Variants in PCGF5 observed in about 807,000 individuals in gnomAD.
PCGF5 encodes polycomb group RING finger protein 5.
Under a neutral mutation model 44.3 loss-of-function variants are expected in PCGF5, and 9 were observed. That is an observed-to-expected ratio of 0.20 (90% CI 0.12 to 0.35). The LOEUF (loss-of-function observed/expected upper bound fraction) is 0.35. Ranked by LOEUF, PCGF5 falls within the 10% of genes least tolerant of loss-of-function variation. The pLI, the probability that PCGF5 is intolerant of heterozygous loss-of-function variation, is 1.00. For missense variants in PCGF5, 146 were observed against 305.3 expected, an observed-to-expected ratio of 0.48 and a Z score of 3.89; for synonymous variants, 95 against 102.5, an observed-to-expected ratio of 0.93 and a Z score of 0.44.
intron 2 of PCGF5, among the ~76,000 whole-genome samples, chr10:91,238,342 C>G (rs537945567): frequency 6.6e-6 from 1 of 152,150 alleles, no homozygotes; most frequent in Non-Finnish European, 1.5e-5. Context: ...GATGCTTGAG[C>G]CCTACAACTC....
chr10:91,164,702 C>A (rs902658260), intron 1 of PCGF5, among the ~76,000 whole-genome samples: 4 of 152,226 alleles, frequency 2.6e-5, no homozygotes, highest in African/African-American at 4.8e-5. Context: ...TCATTCCCAC[C>A]TCACATTAGT....
At chr10:91,194,793 ATTGTCC>A (rs1844097857) in intron 1 of PCGF5, among the ~76,000 whole-genome samples, 2 of 152,168 alleles carry the variant, frequency 1.3e-5, no homozygotes, top group Admixed American at 1.3e-4. Flanking sequence ...GAGAACTTGT[ATTGTCC>A]TCATTTTTAA....
chr10:91,160,946 C>T (rs1171993497), upstream of PCGF5, among the ~76,000 whole-genome samples: 3 of 152,226 alleles, frequency 2.0e-5, no homozygotes, highest in African/African-American at 7.2e-5. Context: ...TTGCGGCTGT[C>T]ACATATTCTG....
At chr10:91,251,520 C>A in intron 6 of PCGF5, 80 bp downstream of exon 6, 1 of 1,333,840 alleles carries the variant, frequency 7.5e-7, no homozygotes, top group Non-Finnish European at 1.0e-6. Context: ...TTTTCTAATG[C>A]TTCAAAATGT....
intron 1 of PCGF5, among the ~76,000 whole-genome samples, chr10:91,182,824 G>A (rs1409811377): frequency 1.3e-5 from 2 of 152,066 alleles, no homozygotes; most frequent in Non-Finnish European, 2.9e-5. Flanking sequence ...TATCTTTGCT[G>A]TCATTAGTTT....
At chr10:91,188,794 C>T (rs187629508) in intron 1 of PCGF5, among the ~76,000 whole-genome samples, 270 of 152,278 alleles carry the variant, frequency 1.8e-3, no homozygotes, top group African/African-American at 6.1e-3. Context: ...CATTTGGAGC[C>T]TGTTGACCTA....
intron 6 of PCGF5, among the ~76,000 whole-genome samples, chr10:91,260,821 AG>A (rs1392298652): frequency 1.9e-5 from 1 of 51,830 alleles, no homozygotes; most frequent in East Asian, 6.4e-4. Context: ...GGGGTGGGGG[AG>A]GGGGGAGGGA....
At chr10:91,227,420 C>A in intron 2 of PCGF5, 2 of 1,289,496 alleles carry the variant, frequency 1.6e-6, no homozygotes, top group Non-Finnish European at 2.0e-6. Context: ...AATGGGATGC[C>A]AGCACTCAGT....
chr10:91,172,240 C>T (rs781000941), intron 1 of PCGF5, among the ~76,000 whole-genome samples: 1 of 151,998 alleles, frequency 6.6e-6, no homozygotes, highest in South Asian at 2.1e-4. Flanking sequence ...GCCTGGCCAA[C>T]GTGATGAAAC....
chr10:91,166,740 C>G (rs1326323059), intron 1 of PCGF5, among the ~76,000 whole-genome samples: 1 of 152,160 alleles, frequency 6.6e-6, no homozygotes, highest in African/African-American at 2.4e-5. Flanking sequence ...ATAAGTAGAG[C>G]TTTCCACAGC....
rs143136796 is a variant in PCGF5, at chr10:91,245,915, C to A, written c.210-2590C>A. Among the ~76,000 whole-genome samples the A allele has an allele frequency of 1.8e-3, 281 of 152,166 alleles. 1 individual carries two copies. Among genetic ancestry groups the A allele is most frequent in the African/African-American group, 6.2e-3 (257 of 41,518 alleles). ...CTTGTGAGTGTAGTATGATTCCTGG[C>A]AAACTTAAAGGCATGTTTGTGTTGT... On this transcript the variant is annotated intron_variant, in intron 3 of 9. Coordinates refer to ENST00000336126, the MANE Select transcript of PCGF5 (RefSeq NM_032373.5).
chr10:91,174,541 T>C (rs537945177), intron 1 of PCGF5, among the ~76,000 whole-genome samples: 15 of 152,330 alleles, frequency 9.8e-5, no homozygotes, highest in African/African-American at 3.6e-4. Flanking sequence ...TGTTTGATTA[T>C]AATCTACTGT....
chr10:91,248,789 G>A (rs948575462), intron 5 of PCGF5, 65 bp downstream of exon 5: 2 of 1,334,002 alleles, frequency 1.5e-6, no homozygotes, highest in African/African-American at 3.0e-5. Flanking sequence ...CATAGTTTAG[G>A]TGAACTAATA....
At position 91,281,632 on chromosome 10, in the gene PCGF5, G is replaced by A. The variant is rs1318975054; in HGVS notation, c.*3316G>A. The A allele has an allele frequency of 6.6e-6, 1 of 152,542 alleles. No individual in the cohort carries two copies. The highest frequency in any genetic ancestry group is 2.4e-5 in the African/African-American group (1 of 41,440). 9.4% of individuals were successfully genotyped at this position (152,542 alleles called of 1,614,324 possible). ...TTACAGTAAATTAATAACCATGTTGGAGAGACGGTTTTAACAGTTTGGAGG... is the reference window on the plus strand; with the variant it reads ...TTACAGTAAATTAATAACCATGTTGAAGAGACGGTTTTAACAGTTTGGAGG... On this transcript the variant is annotated 3_prime_UTR_variant, in exon 10 of 10. Transcript: ENST00000336126.
chr10:91,272,325 G>T (rs1003585459), intron 9 of PCGF5, among the ~76,000 whole-genome samples: 5 of 152,168 alleles, frequency 3.3e-5, no homozygotes, highest in African/African-American at 1.2e-4. Context: ...TTAACCCTGT[G>T]AATTAATCAT....
intron 1 of PCGF5, among the ~76,000 whole-genome samples, chr10:91,193,840 T>C (rs1844079668): frequency 6.6e-6 from 1 of 152,068 alleles, no homozygotes; most frequent in Non-Finnish European, 1.5e-5. Context: ...AATCCTAATA[T>C]GAGAGGATGA....
chr10:91,267,122 G>A (rs1352702924), intron 8 of PCGF5, among the ~76,000 whole-genome samples: 1 of 151,960 alleles, frequency 6.6e-6, no homozygotes, highest in Non-Finnish European at 1.5e-5. Flanking sequence ...TGTCTCCCTG[G>A]CCTCACAGCA....
At chr10:91,232,263 T>C (rs1194608472) in intron 2 of PCGF5, among the ~76,000 whole-genome samples, 1 of 152,144 alleles carries the variant, frequency 6.6e-6, no homozygotes, top group African/African-American at 2.4e-5. Flanking sequence ...AATGAAGTGG[T>C]AGGAGCAAAA....
At chr10:91,257,205 T>C (rs186612758) in intron 6 of PCGF5, among the ~76,000 whole-genome samples, 145 of 152,152 alleles carry the variant, frequency 9.5e-4, no homozygotes, top group Non-Finnish European at 1.7e-3. Flanking sequence ...ACAGGAAAAG[T>C]TGCTAAATAT....
Sources: allele counts gnomAD v4.1 joint callset (sites outside exome capture counted in the v4.1 genomes callset), GRCh38; gene constraint gnomAD v4.1.1; transcripts MANE v1.5; gene names NCBI Gene and HGNC (gene_info 2026-07-23, HGNC 2026-07-21).